NSMCE2: variants seen among roughly 807,000 people sequenced by gnomAD.
NSMCE2 encodes E3 SUMO-protein ligase NSE2.
A neutral mutation model predicts 23.8 loss-of-function variants in NSMCE2; 24 were observed. The ratio of observed to expected loss-of-function variants is 1.01; its 90% confidence interval spans 0.73 to 1.42. NSMCE2 has a LOEUF of 1.42. Among genes scored for constraint, NSMCE2 ranks in the 40% most tolerant of loss-of-function variants. The pLI, the probability that NSMCE2 is intolerant of heterozygous loss-of-function variation, is 0.00. For synonymous variants in NSMCE2, 92 were observed against 94.1 expected (o/e 0.98, Z 0.13); for missense variants, 284 against 296.5 (o/e 0.96, Z 0.31).
chr8:125,349,010 AACACACACACACACACACACACACACAC>A (rs35429077), intron 5 of NSMCE2: 7 of 129,446 alleles, frequency 5.4e-5, no homozygotes, highest in African/African-American at 1.1e-4. Context: ...CTCAAAGCAA[AACACACACACACACACACACACACACAC>A]ACACACACAC....
At chr8:125,242,370 T>G (rs1351394085) in intron 5 of NSMCE2, among the ~76,000 whole-genome samples, 2 of 151,726 alleles carry the variant, frequency 1.3e-5, no homozygotes, top group African/African-American at 4.8e-5. Context: ...TGGTTCAAGG[T>G]GTTGACCTGA....
intron 3 of NSMCE2, among the ~76,000 whole-genome samples, chr8:125,114,340 A>C (rs999968314): frequency 6.6e-6 from 1 of 152,212 alleles, no homozygotes; most frequent in Non-Finnish European, 1.5e-5. Context: ...TATTGCCTAT[A>C]GGTACATGAT....
chr8:125,161,578 A>G (rs542798030), intron 4 of NSMCE2, among the ~76,000 whole-genome samples: 1 of 152,104 alleles, frequency 6.6e-6, no homozygotes, highest in South Asian at 2.1e-4. Context: ...CGGTTGGATC[A>G]TCTGAGGCCA....
At chr8:125,202,561 T>G (rs1823932065) in intron 5 of NSMCE2, among the ~76,000 whole-genome samples, 1 of 152,208 alleles carries the variant, frequency 6.6e-6, no homozygotes, top group Admixed American at 6.5e-5. Flanking sequence ...AGTATAGTAA[T>G]ATAATAATAA....
chr8:125,351,041 C>G (rs1813010116), intron 5 of NSMCE2, among the ~76,000 whole-genome samples: 1 of 151,976 alleles, frequency 6.6e-6, no homozygotes, highest in Non-Finnish European at 1.5e-5. Flanking sequence ...GTCAGCAGAA[C>G]CTACTAGTGG....
intron 7 of NSMCE2, among the ~76,000 whole-genome samples, chr8:125,363,656 GAA>G (rs1399281512): frequency 8.3e-6 from 1 of 120,772 alleles, no homozygotes; most frequent in Non-Finnish European, 1.7e-5. Flanking sequence ...GGAGGAAGGA[GAA>G]GAGAGGAGGG....
chr8:125,132,361 C>T (rs1033444598), intron 3 of NSMCE2, among the ~76,000 whole-genome samples: 1 of 152,158 alleles, frequency 6.6e-6, no homozygotes, highest in Non-Finnish European at 1.5e-5. Context: ...GTTGGGATTA[C>T]AGGCATGAGC....
chr8:125,276,574 G>C (rs1236085177), intron 5 of NSMCE2, among the ~76,000 whole-genome samples: 2 of 151,506 alleles, frequency 1.3e-5, no homozygotes, highest in East Asian at 3.9e-4. Flanking sequence ...GACGCATATG[G>C]TTATTATATC....
chr8:125,239,302 C>A (rs1554624212), intron 5 of NSMCE2, among the ~76,000 whole-genome samples: 1 of 151,996 alleles, frequency 6.6e-6, no homozygotes, highest in Non-Finnish European at 1.5e-5. Context: ...TCTTATGTTA[C>A]AAAAAAATAG....
chr8:125,191,807 TACA>T (rs1823354929), intron 5 of NSMCE2, among the ~76,000 whole-genome samples: 1 of 152,174 alleles, frequency 6.6e-6, no homozygotes, highest in South Asian at 2.1e-4. Flanking sequence ...GCGTAATCTT[TACA>T]ACATCCACAC....
intron 5 of NSMCE2, among the ~76,000 whole-genome samples, chr8:125,188,187 C>G (rs1823189711): frequency 6.6e-6 from 1 of 152,228 alleles, no homozygotes; most frequent in African/African-American, 2.4e-5. Flanking sequence ...ATTAAGTCTT[C>G]TCAGGAACAT....
intron 5 of NSMCE2, among the ~76,000 whole-genome samples, chr8:125,272,720 T>C (rs1384921444): frequency 7.9e-6 from 1 of 127,152 alleles, no homozygotes; most frequent in Non-Finnish European, 1.7e-5. Context: ...ATATATAATA[T>C]ATATATATAC....
At chr8:125,286,793 A>AG (rs1554632225) in intron 5 of NSMCE2, among the ~76,000 whole-genome samples, 3 of 150,818 alleles carry the variant, frequency 2.0e-5, no homozygotes, top group Admixed American at 2.0e-4. Flanking sequence ...AAAAAAAAAA[A>AG]TTGCCCAAAG....
chr8:125,356,326 G>GTTTTTT (rs747884264), intron 5 of NSMCE2, among the ~76,000 whole-genome samples: 5 of 105,436 alleles, frequency 4.7e-5, no homozygotes, highest in Non-Finnish European at 7.3e-5. Context: ...TAATTTTTTG[G>GTTTTTT]TTTTTTTTTT....
At chr8:125,186,561 GATATA>G (rs1315255642) in intron 5 of NSMCE2, among the ~76,000 whole-genome samples, 3 of 152,124 alleles carry the variant, frequency 2.0e-5, no homozygotes, top group African/African-American at 4.8e-5. Context: ...ATACAAACAT[GATATA>G]ATATGACAAC....
At position 125,157,954 on chromosome 8, in the gene NSMCE2, T is replaced by C. The variant is rs190957503; in HGVS notation, c.264+6677T>C. ...GGAATGCTTGATTAAAAGAATTTCC[T>C]TAAAGACTCCAAAGCCTTTAATGTG... On this transcript the variant is annotated intron_variant, in intron 4 of 7. Transcript: ENST00000287437. Among the ~76,000 whole-genome samples, 19 of 152,344 alleles carry C rather than the reference T, an allele frequency of 1.2e-4. No individual in the cohort carries two copies. In the East Asian group the frequency reaches 2.3e-3, roughly 19 times the overall value.
chr8:125,134,179 A>C (rs1586487004), intron 3 of NSMCE2, among the ~76,000 whole-genome samples: 1 of 152,262 alleles, frequency 6.6e-6, no homozygotes. Context: ...ATCTGTATTG[A>C]TGAATGTTTT....
At chr8:125,156,346 A>G (rs1211744380) in intron 4 of NSMCE2, 1 of 155,458 alleles carries the variant, frequency 6.4e-6, no homozygotes, top group Non-Finnish European at 1.4e-5. Flanking sequence ...CTGGATGTTA[A>G]TTTATTGAAA....
chr8:125,272,360 G>A (rs920249437), intron 5 of NSMCE2, among the ~76,000 whole-genome samples: 3 of 151,514 alleles, frequency 2.0e-5, no homozygotes, highest in Non-Finnish European at 4.4e-5. Context: ...GAAGTTTAAT[G>A]TCCATCTTAT....
Sources: gnomAD v4.1 joint callset for allele counts (sites outside exome capture counted in the v4.1 genomes callset) on GRCh38, gnomAD v4.1.1 for gene constraint, MANE v1.5 for transcripts, NCBI Gene and HGNC (gene_info 2026-07-23, HGNC 2026-07-21) for gene names.